The following KCND3 variants were observed in gnomAD, a reference collection of about 807,000 sequenced individuals.
KCND3 encodes potassium voltage-gated channel subfamily D member 3.
Under a neutral mutation model 51.1 loss-of-function variants are expected in KCND3, and 9 were observed. The observed-to-expected ratio is 0.18, with a 90% CI of 0.11 to 0.31. The LOEUF is 0.31. KCND3 is among the 10% of genes least tolerant of loss of function. KCND3 has a pLI of 1.00. For missense variants in KCND3, 526 were observed against 903.8 expected (o/e 0.58, Z 5.36); for synonymous variants, 349 against 368.0 (o/e 0.95, Z 0.59).
intron 2 of KCND3, among the ~76,000 whole-genome samples, chr1:111,852,146 A>G (rs1354327157): frequency 1.3e-5 from 2 of 152,232 alleles, no homozygotes; most frequent in African/African-American, 4.8e-5. Context: ...AATATTAATC[A>G]GGTGCCTACT....
intron 2 of KCND3, among the ~76,000 whole-genome samples, chr1:111,889,558 T>TA (rs1669730502): frequency 6.6e-6 from 1 of 152,094 alleles, no homozygotes; most frequent in Admixed American, 6.5e-5. Context: ...CTTTTTTTTT[T>TA]AAATCATTTT....
chr1:111,970,237 G>A (rs931916114), intron 2 of KCND3, among the ~76,000 whole-genome samples: 1 of 151,984 alleles, frequency 6.6e-6, no homozygotes, highest in Non-Finnish European at 1.5e-5. Flanking sequence ...GGATGGTCTC[G>A]AATTTCTGAC....
At chr1:111,962,749 C>T (rs1033871677) in intron 2 of KCND3, among the ~76,000 whole-genome samples, 1 of 152,206 alleles carries the variant, frequency 6.6e-6, no homozygotes, top group Non-Finnish European at 1.5e-5. Flanking sequence ...TCTTTTCATC[C>T]CTTTGTATTT....
intron 2 of KCND3, among the ~76,000 whole-genome samples, chr1:111,969,143 G>A (rs763880335): frequency 6.6e-6 from 1 of 151,792 alleles, no homozygotes; most frequent in Admixed American, 6.6e-5. Flanking sequence ...TGCCTGCCAC[G>A]GGTGTCCATA....
chr1:111,835,281 A>T (rs1667020805), intron 2 of KCND3, among the ~76,000 whole-genome samples: 1 of 152,174 alleles, frequency 6.6e-6, no homozygotes, highest in Non-Finnish European at 1.5e-5. Flanking sequence ...GATCATTTTT[A>T]GTTGTTGATT....
At chr1:111,816,726 A>G (rs1373555456) in intron 2 of KCND3, among the ~76,000 whole-genome samples, 2 of 152,242 alleles carry the variant, frequency 1.3e-5, no homozygotes, top group Non-Finnish European at 2.9e-5. Flanking sequence ...AAGGGAAGTC[A>G]TTTGTCTCAA....
chr1:111,925,310 T>C (rs12408551), intron 2 of KCND3, among the ~76,000 whole-genome samples: 14,812 of 152,290 alleles, frequency 0.097, 994 homozygotes, highest in South Asian at 0.24. Flanking sequence ...GCTGTACATA[T>C]GAGCACTAAG....
chr1:111,974,335 A>T (rs946292352), intron 2 of KCND3, among the ~76,000 whole-genome samples: 5 of 151,866 alleles, frequency 3.3e-5, no homozygotes, highest in Non-Finnish European at 5.9e-5. Flanking sequence ...ACTTCTTCCA[A>T]ATAAATTTCT....
intron 2 of KCND3, among the ~76,000 whole-genome samples, chr1:111,868,826 C>T (rs967307813): frequency 6.6e-6 from 1 of 152,178 alleles, no homozygotes; most frequent in Non-Finnish European, 1.5e-5. Context: ...ACCTTGAACT[C>T]CTGGGCTCAC....
chr1:111,852,381 T>C (rs1375152606), intron 2 of KCND3, among the ~76,000 whole-genome samples: 1 of 152,204 alleles, frequency 6.6e-6, no homozygotes, highest in East Asian at 1.9e-4. Flanking sequence ...TGGGGAGTCC[T>C]TTTTGTGGGC....
At chr1:111,826,443 C>A (rs560575598) in intron 2 of KCND3, among the ~76,000 whole-genome samples, 1 of 152,240 alleles carries the variant, frequency 6.6e-6, no homozygotes, top group African/African-American at 2.4e-5. Flanking sequence ...TGACTTTCAA[C>A]TTTCAGGTCT....
chr1:111,978,354 G>C (rs754456226), intron 2 of KCND3, among the ~76,000 whole-genome samples: 10 of 152,238 alleles, frequency 6.6e-5, no homozygotes, highest in Non-Finnish European at 1.5e-4. Flanking sequence ...GACCAGGGAA[G>C]GGAGTGTCTG....
At chr1:111,904,700 G>A (rs1463410461) in intron 2 of KCND3, among the ~76,000 whole-genome samples, 3 of 152,192 alleles carry the variant, frequency 2.0e-5, no homozygotes, top group Non-Finnish European at 4.4e-5. Context: ...TGGTGGCGAC[G>A]GCAAGCTGCG....
intron 2 of KCND3, among the ~76,000 whole-genome samples, chr1:111,851,544 C>T (rs1487841334): frequency 6.6e-6 from 1 of 152,226 alleles, no homozygotes; most frequent in African/African-American, 2.4e-5. Context: ...ATCACAACTC[C>T]TCCTGGCAAA....
rs142554604 is a variant in KCND3, at chr1:111,902,864, C to T, written c.1106+78757G>A. On this transcript the variant is annotated intron_variant, in intron 2 of 7. Coordinates refer to ENST00000302127, the MANE Select transcript of KCND3 (RefSeq NM_001378969.1). Reference sequence around the variant, plus strand: ...AATATGATTAGTACCTTCATATATCCCCCTGCCCATTCTGAACACTTGTGA... The same window carrying T: ...AATATGATTAGTACCTTCATATATCTCCCTGCCCATTCTGAACACTTGTGA... Among the ~76,000 whole-genome samples, 9 of 152,222 alleles carry T rather than the reference C, an allele frequency of 5.9e-5. No homozygotes were observed. In the East Asian group the frequency reaches 1.7e-3, roughly 29 times the overall value.
rs1553235800 is a variant in KCND3, at chr1:111,777,287, A to G, written c.1519-14T>C. 4 of 1,614,038 alleles carry G rather than the reference A, an allele frequency of 2.5e-6. 1 individual carries two copies. The South Asian group carries it at 4.4e-5, about 18-fold the overall frequency. On this transcript the variant is annotated splice_polypyrimidine_tract_variant and intron_variant, in intron 6 of 7. Coordinates refer to ENST00000302127, the MANE Select transcript of KCND3 (RefSeq NM_001378969.1). Reference sequence around the variant, plus strand: ...AAACTCGTGGTTCTGCGGGAGGCAGAAGGAGAAGAAGTAGGAAAAGGAGGT... The same window carrying G: ...AAACTCGTGGTTCTGCGGGAGGCAGGAGGAGAAGAAGTAGGAAAAGGAGGT...
At chr1:111,819,028 C>T (rs763627506) in intron 2 of KCND3, among the ~76,000 whole-genome samples, 10 of 152,120 alleles carry the variant, frequency 6.6e-5, no homozygotes, top group Non-Finnish European at 1.5e-4. Context: ...TAGGGTCTTG[C>T]TCCGTTGCCC....
intron 2 of KCND3, among the ~76,000 whole-genome samples, chr1:111,930,935 A>T (rs1671940209): frequency 6.6e-6 from 1 of 152,148 alleles, no homozygotes; most frequent in South Asian, 2.1e-4. Flanking sequence ...TCTGTTTTAA[A>T]CCAAACTGTG....
chr1:111,975,115 C>T (rs1259901806), intron 2 of KCND3, among the ~76,000 whole-genome samples: 1 of 152,278 alleles, frequency 6.6e-6, no homozygotes, highest in South Asian at 2.1e-4. Context: ...GATAACTGTG[C>T]CCAGCCACTT....
Sources: allele counts gnomAD v4.1 joint callset (sites outside exome capture counted in the v4.1 genomes callset), GRCh38; gene constraint gnomAD v4.1.1; transcripts MANE v1.5; gene names NCBI Gene and HGNC (gene_info 2026-07-23, HGNC 2026-07-21).